TP53I13: variants seen among roughly 807,000 people sequenced by gnomAD.
TP53I13 encodes tumor protein p53-inducible protein 13.
In TP53I13, 27 loss-of-function variants were observed where a neutral mutation model predicts 39.1. The ratio of observed to expected loss-of-function variants is 0.69; its 90% CI spans 0.51 to 0.95. TP53I13 has a LOEUF of 0.95. TP53I13 is among the 40% of genes least tolerant of loss of function. The pLI, the probability that TP53I13 is intolerant of heterozygous loss-of-function variation, is 0.00. For synonymous variants in TP53I13, 230 were observed against 224.6 expected, an observed-to-expected ratio of 1.02 and a Z score of -0.22; for missense variants, 544 against 520.4, an observed-to-expected ratio of 1.05 and a Z score of -0.44.
downstream of TP53I13, chr17:29,575,316 G>T (rs1307345911): frequency 6.2e-7 from 1 of 1,612,830 alleles, no homozygotes; most frequent in Non-Finnish European, 8.5e-7. The surrounding 1 kb of genome is among the most constrained non-coding windows in gnomAD (Gnocchi z 5.5). Flanking sequence ...TGGGCTGCCC[G>T]CAACAGTTCC....
At chr17:29,574,458 G>A (rs931766242), downstream of TP53I13, 20 of 560,064 alleles carry the variant, frequency 3.6e-5, no homozygotes, top group East Asian at 1.8e-4. Flanking sequence ...CTAGGAGGGG[G>A]GAGATGCTAT....
At chr17:29,569,662 C>T in intron 3 of TP53I13, 1 of 339,974 alleles carries the variant, frequency 2.9e-6, no homozygotes, top group Admixed American at 4.2e-5. Context: ...CTGGAAAAAA[C>T]CCAGGCTCCA....
At chr17:29,581,736 G>C in the TP53I13 span, 1 of 1,606,916 alleles carries the variant, frequency 6.2e-7, no homozygotes, top group Non-Finnish European at 8.5e-7. The surrounding 1 kb of genome is among the most constrained non-coding windows in gnomAD (Gnocchi z 4.8). Context: ...CCCAAGCTCT[G>C]CTCACCCGGC....
downstream of TP53I13, chr17:29,575,543 C>T (rs1181873957): frequency 2.3e-5 from 36 of 1,557,832 alleles, 1 homozygote; most frequent in South Asian, 2.3e-4. The surrounding 1 kb of genome is among the most constrained non-coding windows in gnomAD (Gnocchi z 5.5). Flanking sequence ...CGGAGCCGCC[C>T]GCCTTGGTCC....
chr17:29,572,370 T>C lies in TP53I13; in HGVS notation c.742T>C (p.Ser248Pro), dbSNP rs1694714481. ...GIPGRESNAPSVPTVSLLPGA... is the reference protein window; with the variant it reads ...GIPGRESNAPPVPTVSLLPGA... ...CCCTGGTAGGGAGAGTAATGCCCCA[T>C]CTGTGCCCACTGTCTCCCTGCTGCC... The change falls in exon 6 of 7, where the codon TCT becomes CCT. Residue 248 changes from serine (S) to proline (P), a missense_variant. Transcript: ENST00000301057. The C allele has an allele frequency of 6.2e-7, 1 of 1,604,070 alleles. No individual in the cohort carries two copies. Among genetic ancestry groups the C allele is most frequent in the Non-Finnish European group, 8.5e-7 (1 of 1,173,002 alleles).
At chr17:29,567,798 A>C (rs944288267), upstream of TP53I13, among the ~76,000 whole-genome samples, 1 of 152,136 alleles carries the variant, frequency 6.6e-6, no homozygotes, top group Non-Finnish European at 1.5e-5. The surrounding 1 kb of genome is among the most constrained non-coding windows in gnomAD (Gnocchi z 6.6). Flanking sequence ...CCGACCTACA[A>C]GGAACGCCTC....
At chr17:29,578,790 A>G in the TP53I13 span, 1 of 1,613,606 alleles carries the variant, frequency 6.2e-7, no homozygotes, top group Non-Finnish European at 8.5e-7. Context: ...CTGAGGGCAG[A>G]GGGAGATGGG....
upstream of TP53I13, chr17:29,568,680 G>A: frequency 1.0e-6 from 1 of 955,722 alleles, no homozygotes; most frequent in Non-Finnish European, 1.3e-6. The surrounding 1 kb of genome is among the most constrained non-coding windows in gnomAD (Gnocchi z 4.5). Flanking sequence ...CGGGGGCGCT[G>A]GGGCTGGAGG....
downstream of TP53I13, chr17:29,576,403 C>G (rs141686136): frequency 5.0e-6 from 8 of 1,613,164 alleles, no homozygotes; most frequent in Non-Finnish European, 6.8e-6. Flanking sequence ...TGGGCACCGG[C>G]CCTGGAGGCT....
In TP53I13 at chr17:29,571,782, G is replaced by A. The variant is rs766298889; in HGVS notation, c.312+63G>A. The A allele has an allele frequency of 6.8e-6, 11 of 1,613,382 alleles. No individual in the cohort carries two copies. In the Admixed American group the frequency reaches 1.5e-4, roughly 22 times the overall value. On this transcript the variant is annotated intron_variant, in intron 4 of 6. Transcript: ENST00000301057. Reference sequence around the variant, plus strand: ...AGAAGGCTATGGCCCCGTGTGCAGGGAATGGAAAATTCAAGGGTTTCCTCT... The same window carrying A: ...AGAAGGCTATGGCCCCGTGTGCAGGAAATGGAAAATTCAAGGGTTTCCTCT...
chr17:29,574,139 AAC>A (rs1491165921), downstream of TP53I13: 6 of 152,538 alleles, frequency 3.9e-5, no homozygotes, highest in East Asian at 1.9e-4. Flanking sequence ...AAAAAAAAAA[AAC>A]AGACTTTCCA....
chr17:29,575,163 ATAAAG>A (rs1449045473), downstream of TP53I13: 2 of 1,585,928 alleles, frequency 1.3e-6, no homozygotes, highest in Non-Finnish European at 1.7e-6. The surrounding 1 kb of genome is among the most constrained non-coding windows in gnomAD (Gnocchi z 5.5). Context: ...AAGGGAGGCT[ATAAAG>A]CAGGGGGCTC....
At chr17:29,571,834 C>CT in intron 4 of TP53I13, 23 bp from the exon 5 acceptor site, 1 of 1,613,258 alleles carries the variant, frequency 6.2e-7, no homozygotes, top group Non-Finnish European at 8.5e-7. Flanking sequence ...CCTCGTAGCT[C>CT]TAACAGTTAC....
In TP53I13 at chr17:29,572,597, G is replaced by T; in HGVS notation, c.969G>T (p.Leu323=). Residue 323 remains leucine, a synonymous_variant, in exon 6 of 7, where the codon CTG becomes CTT. Coordinates refer to ENST00000301057, the MANE Select transcript of TP53I13 (RefSeq NM_138349.4). ...AAMALTFLLV[L]LTLATLCTRL... ...TGGCCCTGACCTTCCTGCTGGTGCT[G>T]CTCACCCTGGCCACGCTCTGCACAC... 1 of 1,591,640 alleles carries T rather than the reference G, an allele frequency of 6.3e-7. No individual in the cohort carries two copies.
chr17:29,568,735 G>A lies in TP53I13; in HGVS notation c.-24G>A, dbSNP rs1297466363. 3.4e-6 allele frequency: 5 copies of A among 1,465,938 alleles called. No homozygotes were observed. Among genetic ancestry groups the A allele is most frequent in the Middle Eastern group, 2.2e-4 (1 of 4,564 alleles). The allele number at this position is 1,465,938 out of a possible 1,614,324, so 90.8% of individuals were successfully genotyped here. ...CTCGCTGGCGGAGCGGCTGGGCGGC[G>A]GGCCGGGCCCGGGGCCGCTTGGAAT... On this transcript the variant is annotated 5_prime_UTR_variant, in exon 1 of 7. Transcript: ENST00000301057. This position sits in a 1 kb window ranked among gnomAD's most constrained non-coding sequence, Gnocchi z 4.5.
rs1158708194 is a variant in TP53I13 at position 29,569,016 on chromosome 17, A to G, written c.73-2A>G. Reference sequence around the variant, plus strand: ...CCCCAACTCTTCGCTTTGGACCCACAGGTGATGGCTGGACCGGCGGAGGAG... The same window carrying G: ...CCCCAACTCTTCGCTTTGGACCCACGGGTGATGGCTGGACCGGCGGAGGAG... On this transcript the variant is annotated splice_acceptor_variant, in intron 1 of 6. Coordinates refer to ENST00000301057, the MANE Select transcript of TP53I13 (RefSeq NM_138349.4). LOFTEE classifies it high-confidence loss of function. 6.2e-7 allele frequency: 1 copy of G among 1,609,202 alleles called. No homozygotes were observed. The highest frequency in any genetic ancestry group is 1.1e-5 in the South Asian group (1 of 90,262).
intron 2 of TP53I13, 76 bp downstream of exon 2, chr17:29,569,162 TC>T: frequency 6.6e-7 from 1 of 1,506,688 alleles, no homozygotes; most frequent in Non-Finnish European, 9.0e-7. Context: ...CGCCGCACCC[TC>T]CACAGTCACC....
At chr17:29,575,966 G>T, downstream of TP53I13, 1 of 1,532,232 alleles carries the variant, frequency 6.5e-7, no homozygotes, top group Non-Finnish European at 9.0e-7. This position sits in a 1 kb window ranked among gnomAD's most constrained non-coding sequence, Gnocchi z 5.5. Flanking sequence ...CAGCAGTGCA[G>T]CAGGGACCAG....
chr17:29,577,055 C>T (rs1598567123), downstream of TP53I13: 2 of 1,607,218 alleles, frequency 1.2e-6, no homozygotes, highest in African/African-American at 2.7e-5. Flanking sequence ...TCTCTCAGGT[C>T]ACCACTGGCA....
Sources: allele counts gnomAD v4.1 joint callset (sites outside exome capture counted in the v4.1 genomes callset), GRCh38; gene constraint gnomAD v4.1.1; non-coding constraint Gnocchi (gnomAD v3.1); transcripts MANE v1.5; gene names NCBI Gene and HGNC (gene_info 2026-07-23, HGNC 2026-07-21).